CATSPERB: variants seen among roughly 807,000 people sequenced by gnomAD.
CATSPERB encodes the protein cation channel sperm-associated auxiliary subunit beta.
CATSPERB carries 93 observed loss-of-function variants against 128.3 expected under a neutral mutation model. The observed-to-expected ratio is 0.72, with a 90% CI of 0.61 to 0.86. The LOEUF is 0.86. Among genes scored for constraint, CATSPERB ranks in the 40% least tolerant of loss-of-function variants. The probability of loss-of-function intolerance (pLI) is 0.00; values close to 1 mark genes in which losing one functional copy is unlikely to be tolerated. For missense variants in CATSPERB, 1,153 were observed against 1,329.5 expected (o/e 0.87, Z 2.06); for synonymous variants, 381 against 448.8 (o/e 0.85, Z 1.91).
chr14:91,624,111 G>C (rs1225390715), intron 18 of CATSPERB, among the ~76,000 whole-genome samples: 4 of 152,214 alleles, frequency 2.6e-5, no homozygotes, highest in Admixed American at 2.0e-4. Context: ...ACTTTGGGAA[G>C]CTGAGGCAGG....
chr14:91,716,582 A>T (rs1196556993), intron 5 of CATSPERB, among the ~76,000 whole-genome samples: 1 of 152,162 alleles, frequency 6.6e-6, no homozygotes, highest in Non-Finnish European at 1.5e-5. Flanking sequence ...GTCTCAAAAA[A>T]ATCCAAACAA....
At chr14:91,681,619 A>G (rs1468545008) in intron 11 of CATSPERB, among the ~76,000 whole-genome samples, 1 of 152,242 alleles carries the variant, frequency 6.6e-6, no homozygotes, top group Non-Finnish European at 1.5e-5. Flanking sequence ...CAGTTAGGAC[A>G]GACATTACTA....
Position 91,624,946 on chromosome 14 carries a change from AC to A in CATSPERB, c.1803del (p.Leu601PhefsTer8). The A allele has an allele frequency of 6.2e-7, 1 of 1,612,312 alleles. No homozygotes were observed. Among genetic ancestry groups the A allele is most frequent in the Non-Finnish European group, 8.5e-7 (1 of 1,179,484 alleles). On this transcript the variant is annotated frameshift_variant, in exon 18 of 27. Transcript: ENST00000256343. LOFTEE classifies it high-confidence loss of function. ...VLQHTTPKGF[L>X]SSVIAEMKEP... ...TCTTTCATTTCTGCAATAACTGAGG[AC>A]AAAAATCCTTTAGGAGTCGTATGTT...
At chr14:91,683,595 G>T (rs1895323355) in intron 11 of CATSPERB, among the ~76,000 whole-genome samples, 1 of 152,076 alleles carries the variant, frequency 6.6e-6, no homozygotes, top group African/African-American at 2.4e-5. Context: ...AAATTCCAGA[G>T]ATTACCTCAA....
At chr14:91,604,417 T>C in intron 22 of CATSPERB, 1 of 1,186,956 alleles carries the variant, frequency 8.4e-7, no homozygotes. Context: ...CATCTTCAGG[T>C]TGCATGTTCG....
At chr14:91,679,717 C>A (rs755002486) in intron 11 of CATSPERB, among the ~76,000 whole-genome samples, 1 of 152,172 alleles carries the variant, frequency 6.6e-6, no homozygotes, top group Non-Finnish European at 1.5e-5. Context: ...CTTTCACAAA[C>A]GTCCTTGAAA....
At chr14:91,670,849 C>T (rs1417149706) in intron 13 of CATSPERB, among the ~76,000 whole-genome samples, 1 of 151,904 alleles carries the variant, frequency 6.6e-6, no homozygotes, top group African/African-American at 2.4e-5. Context: ...ACTAAAAATA[C>T]AAAAATTAGC....
intron 7 of CATSPERB, among the ~76,000 whole-genome samples, chr14:91,702,675 A>AACACACACACAC (rs71461951): frequency 0.028 from 4,042 of 145,542 alleles, 97 homozygotes; most frequent in African/African-American, 0.056. Context: ...CAAAAAAGAA[A>AACACACACACAC]ACACACACAC....
At position 91,623,217 on chromosome 14, in the gene CATSPERB, C is replaced by G. The variant is rs530543517; in HGVS notation, c.1931-1280G>C. Among the ~76,000 whole-genome samples, 3 of 152,262 alleles carry G rather than the reference C, an allele frequency of 2.0e-5. No homozygotes were observed. The South Asian group carries it at 6.2e-4, about 32-fold the overall frequency. On this transcript the variant is annotated intron_variant, in intron 18 of 26. Transcript: ENST00000256343. ...GCCAGGGTTCCCAAGGACTTTCACA[C>G]AGATCCACTGGCCAATTTTCATTCC...
intron 17 of CATSPERB, among the ~76,000 whole-genome samples, chr14:91,631,261 T>G (rs910419601): frequency 6.6e-6 from 1 of 152,248 alleles, no homozygotes; most frequent in Non-Finnish European, 1.5e-5. Context: ...CACTCAAATA[T>G]TCATTGAATG....
chr14:91,671,144 C>T (rs1049753106), intron 13 of CATSPERB, among the ~76,000 whole-genome samples: 2 of 152,192 alleles, frequency 1.3e-5, no homozygotes, highest in African/African-American at 2.4e-5. Context: ...AGAAATTCCT[C>T]CTTGGGGCAG....
At chr14:91,660,353 C>G (rs1481277801) in intron 14 of CATSPERB, among the ~76,000 whole-genome samples, 3 of 152,104 alleles carry the variant, frequency 2.0e-5, no homozygotes, top group Non-Finnish European at 4.4e-5. Context: ...GGGGTTTACC[C>G]CATATTGACA....
chr14:91,670,014 G>A (rs1235424210), intron 13 of CATSPERB, 42 bp from the exon 14 acceptor site: 13 of 1,560,358 alleles, frequency 8.3e-6, no homozygotes, highest in Non-Finnish European at 1.0e-5. Context: ...ACTAGTCTGT[G>A]TTACAAATTT....
intron 22 of CATSPERB, among the ~76,000 whole-genome samples, chr14:91,596,445 C>T (rs553162044): frequency 1.4e-4 from 22 of 152,162 alleles, no homozygotes; most frequent in African/African-American, 2.4e-4. Flanking sequence ...CCTTGTGATC[C>T]GCCCACCTTG....
intron 20 of CATSPERB, 25 bp from the exon 21 acceptor site, chr14:91,610,702 G>A (rs1566702807): frequency 6.2e-7 from 1 of 1,603,736 alleles, no homozygotes. Context: ...ATAAATGAAG[G>A]TTATTTAAAG....
chr14:91,629,982 T>C (rs1378404716), intron 17 of CATSPERB, among the ~76,000 whole-genome samples: 1 of 152,180 alleles, frequency 6.6e-6, no homozygotes, highest in Non-Finnish European at 1.5e-5. Flanking sequence ...TACCTATGCA[T>C]TCTAAGCTCC....
In CATSPERB at chr14:91,615,370, C is replaced by T. The variant is rs183952229; in HGVS notation, c.2400+2227G>A. Among the ~76,000 whole-genome samples the T allele has an allele frequency of 7.2e-5, 11 of 152,276 alleles. No homozygotes were observed. In the East Asian group the frequency reaches 2.1e-3, roughly 29 times the overall value. ...TCATCCTGAAACCATGCCCCCGCAT[C>T]CCATTCCATGGAAAAACTGTCCTCC... is the stretch of plus-strand genomic sequence containing the variant. On this transcript the variant is annotated intron_variant, in intron 20 of 26. Transcript: ENST00000256343.
intron 9 of CATSPERB, among the ~76,000 whole-genome samples, chr14:91,692,199 A>G (rs1895484921): frequency 6.6e-6 from 1 of 150,932 alleles, no homozygotes; most frequent in South Asian, 2.1e-4. Flanking sequence ...AAAAAAAAGA[A>G]GAAGTGTGCT....
At chr14:91,701,182 G>A (rs745632794) in intron 7 of CATSPERB, among the ~76,000 whole-genome samples, 4 of 152,056 alleles carry the variant, frequency 2.6e-5, no homozygotes, top group South Asian at 2.1e-4. Flanking sequence ...GAATGTGAGC[G>A]GTGAGGAGGT....
Sources: gnomAD v4.1 joint callset for allele counts (sites outside exome capture counted in the v4.1 genomes callset) on GRCh38, gnomAD v4.1.1 for gene constraint, MANE v1.5 for transcripts, NCBI Gene and HGNC (gene_info 2026-07-23, HGNC 2026-07-21) for gene names.